The following PRELID2 variants were observed in gnomAD, a reference collection of about 807,000 sequenced individuals.
The protein encoded by PRELID2 is PRELI domain-containing protein 2.
In PRELID2, 25 loss-of-function variants were observed where a neutral mutation model predicts 28.4. That is an observed-to-expected ratio of 0.88 (90% CI 0.64 to 1.23). The LOEUF (loss-of-function observed/expected upper bound fraction) is 1.23, where lower values mean the gene tolerates loss of function less well. PRELID2 is among the 50% of genes most tolerant of loss of function. PRELID2 has a pLI of 0.00. For missense variants in PRELID2, 201 were observed against 214.4 expected (o/e 0.94, Z 0.39); for synonymous variants, 76 against 71.6 (o/e 1.06, Z -0.31).
intron 1 of PRELID2, among the ~76,000 whole-genome samples, chr5:145,543,727 C>G (rs959465206): frequency 1.8e-4 from 28 of 152,088 alleles, no homozygotes; most frequent in African/African-American, 6.7e-4. Flanking sequence ...TAGAAATTGG[C>G]ATTTTTTTCC....
the PRELID2 span, among the ~76,000 whole-genome samples, chr5:145,335,486 C>T: frequency 5.9e-5 from 9 of 151,928 alleles, no homozygotes; most frequent in African/African-American, 1.9e-4. Flanking sequence ...ATGTCAATTA[C>T]TAAAAAATTA....
chr5:145,766,866 G>A (rs1757793905), intron 5 of PRELID2, among the ~76,000 whole-genome samples: 1 of 152,124 alleles, frequency 6.6e-6, no homozygotes, highest in African/African-American at 2.4e-5. Flanking sequence ...ACTAAGGGGA[G>A]TCACAAAAGA....
intron 1 of PRELID2, among the ~76,000 whole-genome samples, chr5:145,579,059 C>T (rs1753085708): frequency 6.6e-6 from 1 of 152,022 alleles, no homozygotes; most frequent in Admixed American, 6.6e-5. Context: ...CATTTAATAA[C>T]TCTGTGCCTC....
the PRELID2 span, among the ~76,000 whole-genome samples, chr5:145,236,280 T>C: frequency 6.6e-6 from 1 of 152,108 alleles, no homozygotes; most frequent in Non-Finnish European, 1.5e-5. Context: ...GTATACATCC[T>C]GTAAAGGAAA....
intron 1 of PRELID2, among the ~76,000 whole-genome samples, chr5:145,578,789 T>C (rs10069261): frequency 0.048 from 7,241 of 152,192 alleles, 405 homozygotes; most frequent in African/African-American, 0.13. Flanking sequence ...TACTATGCAC[T>C]GAATACACAT....
At chr5:145,400,186 T>C in the PRELID2 span, among the ~76,000 whole-genome samples, 9 of 152,140 alleles carry the variant, frequency 5.9e-5, no homozygotes, top group African/African-American at 2.2e-4. Flanking sequence ...CATAGTTGTA[T>C]ATTCTACAAA....
chr5:145,827,472 C>T (rs899622942), intron 1 of PRELID2, among the ~76,000 whole-genome samples: 3 of 152,174 alleles, frequency 2.0e-5, no homozygotes, highest in African/African-American at 2.4e-5. Context: ...GACATGCAGA[C>T]TACAACGCTG....
At chr5:145,438,996 C>T in the PRELID2 span, among the ~76,000 whole-genome samples, 1 of 152,142 alleles carries the variant, frequency 6.6e-6, no homozygotes, top group Non-Finnish European at 1.5e-5. Context: ...TTGAGAGCAG[C>T]AGCCATAGCT....
the PRELID2 span, among the ~76,000 whole-genome samples, chr5:145,404,773 G>C: frequency 6.6e-6 from 1 of 152,216 alleles, no homozygotes; most frequent in African/African-American, 2.4e-5. Context: ...CTATGGTCCA[G>C]TTTAAAGTGA....
intron 2 of PRELID2, 110 bp from the exon 3 acceptor site, chr5:145,820,128 T>TTG (rs758118604): frequency 1.5e-5 from 7 of 455,290 alleles, no homozygotes; most frequent in African/African-American, 1.1e-4. Flanking sequence ...TTTTTGTTTT[T>TTG]TTTTTTTGAG....
At chr5:145,379,497 GC>G in the PRELID2 span, among the ~76,000 whole-genome samples, 7 of 152,258 alleles carry the variant, frequency 4.6e-5, no homozygotes, top group Non-Finnish European at 8.8e-5. Flanking sequence ...GCTTCTCTGT[GC>G]CCAGCAAGCA....
At chr5:145,708,064 T>C (rs1032798985) in intron 1 of PRELID2, among the ~76,000 whole-genome samples, 16 of 152,172 alleles carry the variant, frequency 1.1e-4, no homozygotes, top group Non-Finnish European at 5.9e-5. Flanking sequence ...GTATCTGATG[T>C]TGCTCTAGGA....
chr5:145,415,786 G>A, the PRELID2 span, among the ~76,000 whole-genome samples: 1 of 151,902 alleles, frequency 6.6e-6, no homozygotes, highest in African/African-American at 2.4e-5. Context: ...AGTCCTTTGG[G>A]TATATACCCA....
chr5:145,810,397 A>T (rs1753846664), intron 4 of PRELID2, among the ~76,000 whole-genome samples: 1 of 152,198 alleles, frequency 6.6e-6, no homozygotes, highest in African/African-American at 2.4e-5. Flanking sequence ...GAAAACCAGA[A>T]ATGTGAGCAG....
intron 1 of PRELID2, among the ~76,000 whole-genome samples, chr5:145,654,990 G>C (rs529112968): frequency 1.3e-5 from 2 of 150,862 alleles, no homozygotes; most frequent in South Asian, 2.1e-4. Flanking sequence ...GACTGTATAT[G>C]TAGAAAACCC....
At chr5:145,514,711 C>T (rs908764164) in intron 1 of PRELID2, among the ~76,000 whole-genome samples, 1 of 152,118 alleles carries the variant, frequency 6.6e-6, no homozygotes, top group African/African-American at 2.4e-5. Context: ...CTCAGCATCA[C>T]ATCACACTTA....
intron 1 of PRELID2, among the ~76,000 whole-genome samples, chr5:145,623,633 A>G (rs1320418132): frequency 6.6e-6 from 1 of 151,226 alleles, no homozygotes; most frequent in Non-Finnish European, 1.5e-5. Flanking sequence ...AGGTAGGTAG[A>G]TAGGTAGGTA....
At chr5:145,309,975 C>T in the PRELID2 span, among the ~76,000 whole-genome samples, 1 of 152,170 alleles carries the variant, frequency 6.6e-6, no homozygotes, top group African/African-American at 2.4e-5. Context: ...TCTCTTAACC[C>T]CAATGCCACA....
chr5:145,823,046 C>G (rs1425906905), intron 2 of PRELID2, 31 bp downstream of exon 2: 2 of 1,149,516 alleles, frequency 1.7e-6, no homozygotes, highest in Non-Finnish European at 2.6e-6. Flanking sequence ...ATTTAATGAT[C>G]ATTACTGAAA....
Sources: gnomAD v4.1 joint callset for allele counts (sites outside exome capture counted in the v4.1 genomes callset) on GRCh38, gnomAD v4.1.1 for gene constraint, MANE v1.5 for transcripts, NCBI Gene and HGNC (gene_info 2026-07-23, HGNC 2026-07-21) for gene names.